Variants in SIK3 observed in about 807,000 individuals in gnomAD.
SIK3 encodes the protein serine/threonine-protein kinase SIK3.
In SIK3, 28 loss-of-function variants were observed where a neutral mutation model predicts 144.2. That is an observed-to-expected ratio of 0.19 (90% CI 0.14 to 0.27). The LOEUF (loss-of-function observed/expected upper bound fraction) is 0.27. SIK3 is among the 10% of genes least tolerant of loss of function. The probability of loss-of-function intolerance (pLI) is 1.00; values close to 1 mark genes in which losing one functional copy is unlikely to be tolerated. For missense variants in SIK3, 1,319 were observed against 1,776.0 expected (o/e 0.74, Z 4.62); for synonymous variants, 686 against 676.3 (o/e 1.01, Z -0.22).
chr11:116,922,905 C>CTTTTTTTTTTTTTTTTTTTTT lies in SIK3; in HGVS notation c.616+4313_616+4314insAAAAAAAAAAAAAAAAAAAAA, dbSNP rs1565455993. Reference sequence around the variant, plus strand: ...TACGACTAATTTCTCCTTTTCTTTTCTCTTTTTTTTTTTTTTTTTTTTTTT... The same window carrying CTTTTTTTTTTTTTTTTTTTTT: ...TACGACTAATTTCTCCTTTTCTTTTCTTTTTTTTTTTTTTTTTTTTTTCTTTTTTTTTTTTTTTTTTTTTTT... On this transcript the variant is annotated intron_variant, in intron 4 of 24. Transcript: ENST00000445177. Among the ~76,000 whole-genome samples the CTTTTTTTTTTTTTTTTTTTTT allele has an allele frequency of 2.5e-5, 3 of 118,692 alleles. 1 individual carries two copies. The highest frequency in any genetic ancestry group is 3.5e-5 in the African/African-American group (1 of 28,548). The allele number at this position is 118,692 out of a possible 152,430, so 77.9% of individuals were successfully genotyped here.
chr11:116,847,364 G>A, intron 23 of SIK3, 112 bp downstream of exon 23: 2 of 1,437,976 alleles, frequency 1.4e-6, no homozygotes, highest in Non-Finnish European at 1.9e-6. Context: ...GTGGGATGCT[G>A]TGGCTCTACC....
intron 1 of SIK3, among the ~76,000 whole-genome samples, chr11:117,036,743 C>T (rs1952523055): frequency 6.6e-6 from 1 of 152,124 alleles, no homozygotes; most frequent in Admixed American, 6.5e-5. Flanking sequence ...CGGCAAAATA[C>T]GGTTTCCAAT....
chr11:116,903,016 T>C lies in SIK3; in HGVS notation c.617-5699A>G, dbSNP rs528356313. ...AGTATTTCACATTAATCTTCACTAT[T>C]GCTATGCATCTTGTAAGTTAAAATT... On this transcript the variant is annotated intron_variant, in intron 4 of 24. Coordinates refer to ENST00000445177, the MANE Select transcript of SIK3 (RefSeq NM_001366686.3). Among the ~76,000 whole-genome samples the C allele has an allele frequency of 2.0e-5, 3 of 152,376 alleles. No homozygotes were observed. In the East Asian group the frequency reaches 5.8e-4, roughly 29 times the overall value.
intron 1 of SIK3, among the ~76,000 whole-genome samples, chr11:117,066,749 G>A (rs1223196629): frequency 1.3e-5 from 2 of 152,064 alleles, no homozygotes; most frequent in Non-Finnish European, 2.9e-5. Context: ...GCCCAGGGTG[G>A]TCTCGAACTC....
intron 1 of SIK3, among the ~76,000 whole-genome samples, chr11:117,047,286 T>A (rs1953012391): frequency 6.6e-6 from 1 of 152,178 alleles, no homozygotes; most frequent in African/African-American, 2.4e-5. Flanking sequence ...TAAAAGGAAG[T>A]TTCACACGTG....
chr11:116,895,472 G>T (rs748384061), intron 6 of SIK3, among the ~76,000 whole-genome samples: 3 of 152,148 alleles, frequency 2.0e-5, no homozygotes, highest in Non-Finnish European at 4.4e-5. Flanking sequence ...CTACTCCAAG[G>T]TTCACCTCTT....
intron 1 of SIK3, among the ~76,000 whole-genome samples, chr11:117,089,134 G>A (rs777412237): frequency 3.3e-5 from 5 of 151,928 alleles, no homozygotes; most frequent in Admixed American, 6.6e-5. Context: ...GGCCGGGCGC[G>A]GTGGCTCACG....
intron 1 of SIK3, among the ~76,000 whole-genome samples, chr11:117,076,107 C>T (rs1019031908): frequency 6.6e-6 from 1 of 152,066 alleles, no homozygotes; most frequent in Non-Finnish European, 1.5e-5. Context: ...CCACAGCCTC[C>T]CAAAGTGCTG....
intron 1 of SIK3, among the ~76,000 whole-genome samples, chr11:117,083,543 C>T (rs905738479): frequency 1.3e-5 from 2 of 152,072 alleles, no homozygotes; most frequent in African/African-American, 2.4e-5. Context: ...AAGCCAAGAA[C>T]ATACAATCAC....
chr11:116,968,933 T>G (rs1949661991), intron 1 of SIK3, among the ~76,000 whole-genome samples: 1 of 152,190 alleles, frequency 6.6e-6, no homozygotes, highest in Non-Finnish European at 1.5e-5. Context: ...CCAATTAACA[T>G]GACCCCTAAT....
At chr11:116,946,745 G>A (rs766980457) in intron 3 of SIK3, among the ~76,000 whole-genome samples, 1 of 152,096 alleles carries the variant, frequency 6.6e-6, no homozygotes, top group Non-Finnish European at 1.5e-5. Flanking sequence ...CTTTCCTTCA[G>A]AGCAATGCTT....
Position 116,966,766 on chromosome 11 carries a change from G to A in SIK3, c.274-9702C>T, listed in dbSNP as rs1055410079. 9.2e-5 allele frequency among the ~76,000 whole-genome samples: 14 copies of A among 151,702 alleles called. 1 individual carries two copies. Among genetic ancestry groups the A allele is most frequent in the Admixed American group, 5.3e-4 (8 of 15,218 alleles). The stretch of plus-strand genomic sequence containing the variant: ...ATGAAATTTTGCACTTTGGGAGGCC[G>A]AGGTGGGCGGACTGCCTGGGGTCAG... On this transcript the variant is annotated intron_variant, in intron 1 of 24. Coordinates refer to ENST00000445177, the MANE Select transcript of SIK3 (RefSeq NM_001366686.3).
intron 1 of SIK3, among the ~76,000 whole-genome samples, 154 bp from the exon 2 acceptor site, chr11:116,957,218 T>C (rs1335583477): frequency 2.0e-5 from 3 of 152,234 alleles, no homozygotes; most frequent in East Asian, 3.8e-4. Flanking sequence ...TTTACTCTTT[T>C]TAAAAAGATA....
At position 117,041,911 on chromosome 11, in the gene SIK3, T is replaced by C. The variant is rs568782746; in HGVS notation, c.273+56232A>G. Among the ~76,000 whole-genome samples, 382 of 65,360 alleles carry C rather than the reference T, an allele frequency of 5.8e-3. 6 individuals are homozygous for C. The South Asian group carries it at 0.11, about 19-fold the overall frequency. 42.9% of individuals were successfully genotyped at this position (65,360 alleles called of 152,430 possible). The stretch of plus-strand genomic sequence containing the variant: ...GGTAGAGCCCGTTTATCCCTACTCT[T>C]TTTTTTCATGTCTTTTTCATCTTTT... On this transcript the variant is annotated intron_variant, in intron 1 of 24. Coordinates refer to ENST00000445177, the MANE Select transcript of SIK3 (RefSeq NM_001366686.3).
At chr11:116,972,924 G>A (rs192764358) in intron 1 of SIK3, among the ~76,000 whole-genome samples, 2 of 152,274 alleles carry the variant, frequency 1.3e-5, no homozygotes, top group Admixed American at 1.3e-4. Context: ...GAAGCCCTCA[G>A]GAAAAGGAAC....
chr11:116,895,604 T>C (rs1225277949), intron 6 of SIK3, among the ~76,000 whole-genome samples: 1 of 152,216 alleles, frequency 6.6e-6, no homozygotes, highest in Non-Finnish European at 1.5e-5. Flanking sequence ...TTCTCTAAAA[T>C]GTTCCCTTCT....
intron 4 of SIK3, 83 bp downstream of exon 4, chr11:116,927,136 A>T (rs1947322431): frequency 9.4e-6 from 9 of 954,880 alleles, no homozygotes; most frequent in Non-Finnish European, 6.1e-6. Flanking sequence ...TTCTGAAGAG[A>T]TGGAAACAGA....
At chr11:116,869,282 A>AT (rs1943826216) in intron 14 of SIK3, 1 of 152,192 alleles carries the variant, frequency 6.6e-6, no homozygotes, top group Non-Finnish European at 1.5e-5. Context: ...TTCTTTCCAC[A>AT]TAGGACCAGC....
chr11:116,927,647 T>G (rs1044594698), intron 3 of SIK3, among the ~76,000 whole-genome samples: 1 of 152,246 alleles, frequency 6.6e-6, no homozygotes, highest in Non-Finnish European at 1.5e-5. Context: ...AGAGTTCTGG[T>G]GTTTTTCAAG....
Sources: gnomAD v4.1 joint callset for allele counts (sites outside exome capture counted in the v4.1 genomes callset) on GRCh38, gnomAD v4.1.1 for gene constraint, MANE v1.5 for transcripts, NCBI Gene and HGNC (gene_info 2026-07-23, HGNC 2026-07-21) for gene names.